DHCR7: variants seen among roughly 807,000 people sequenced by gnomAD.
DHCR7 encodes the protein 7-DHC reductase.
In DHCR7, 40 loss-of-function variants were observed where a neutral mutation model predicts 43.3. The ratio of observed to expected loss-of-function variants is 0.92; its 90% confidence interval spans 0.72 to 1.20. DHCR7 has a LOEUF of 1.20. Ranked by LOEUF, DHCR7 falls within the 50% of genes most tolerant of loss-of-function variation. DHCR7 has a pLI of 0.00. For missense variants in DHCR7, 608 were observed against 644.6 expected (o/e 0.94, Z 0.62); for synonymous variants, 298 against 271.4 (o/e 1.10, Z -0.96).
At chr11:71,430,025 T>C (rs1949220699), downstream of DHCR7, among the ~76,000 whole-genome samples, 1 of 152,184 alleles carries the variant, frequency 6.6e-6, no homozygotes, top group East Asian at 1.9e-4. Context: ...CCAGATTTCC[T>C]AACAGATTTG....
intron 8 of DHCR7, among the ~76,000 whole-genome samples, chr11:71,436,372 AG>A (rs1949280574): frequency 6.6e-6 from 1 of 152,224 alleles, no homozygotes; most frequent in African/African-American, 2.4e-5. Context: ...TCTGCTAAAA[AG>A]TGGCCTTCTG....
rs80338860 is a variant in DHCR7, at chr11:71,435,749, G to A, written c.1054C>T (p.Arg352Trp). 29 of 1,611,952 alleles carry A rather than the reference G, an allele frequency of 1.8e-5. No homozygotes were observed. The highest frequency in any genetic ancestry group is 3.3e-5 in the South Asian group (3 of 91,080). ...AGGTCCTTCTGGTGGTTGGCCACCCGGAAGATGTAGTAGCCCACCAGGCCC... is the reference window on the plus strand; with the variant it reads ...AGGTCCTTCTGGTGGTTGGCCACCCAGAAGATGTAGTAGCCCACCAGGCCC... The part of the protein sequence containing the change: ...LLGLVGYYIF[R>W]VANHQKDLFR... The change falls in exon 9 of 9, where the codon CGG becomes TGG. Residue 352 changes from arginine to tryptophan, a missense_variant. By Grantham distance (101) the Arg-to-Trp change is moderately radical. Transcript: ENST00000355527.
chr11:71,433,895 C>A (rs1949243705), downstream of DHCR7, among the ~76,000 whole-genome samples: 1 of 152,222 alleles, frequency 6.6e-6, no homozygotes, highest in South Asian at 2.1e-4. Flanking sequence ...TGGTGGGGCA[C>A]CAGTGCACGA....
At chr11:71,444,300 C>T in intron 3 of DHCR7, 85 bp from the exon 4 acceptor site, 1 of 1,193,532 alleles carries the variant, frequency 8.4e-7, no homozygotes, top group South Asian at 1.3e-5. Context: ...TGTGGGAGAA[C>T]TGTTGCTCAA....
intron 6 of DHCR7, among the ~76,000 whole-genome samples, chr11:71,440,256 G>T (rs1203667951): frequency 6.6e-6 from 1 of 152,188 alleles, no homozygotes; most frequent in Non-Finnish European, 1.5e-5. Flanking sequence ...AGGTTGACCT[G>T]GATGAGATGA....
chr11:71,447,765 C>T (rs542700624), intron 1 of DHCR7, 31 bp from the exon 2 acceptor site: 1 of 152,482 alleles, frequency 6.6e-6, no homozygotes, highest in South Asian at 2.1e-4. Flanking sequence ...AATAAGACCG[C>T]AGGCAGCTGA....
At chr11:71,434,166 G>T (rs541151845), downstream of DHCR7, among the ~76,000 whole-genome samples, 4 of 152,200 alleles carry the variant, frequency 2.6e-5, no homozygotes, top group African/African-American at 7.2e-5. Flanking sequence ...ATCTCCTTGG[G>T]GGGGAATGGA....
chr11:71,445,442 C>G (rs1346417376), intron 2 of DHCR7, among the ~76,000 whole-genome samples: 1 of 152,226 alleles, frequency 6.6e-6, no homozygotes, highest in Non-Finnish European at 1.5e-5. Flanking sequence ...CCCTCTCAGC[C>G]AATCTGAAGC....
At position 71,435,311 on chromosome 11, in the gene DHCR7, C is replaced by A; in HGVS notation, c.*64G>T. ...CCTCGAGTTGGAGCTGGGATGCCAG[C>A]CCCCATGGACCTGGCAGAACACGCT... is the stretch of plus-strand genomic sequence containing the variant. On this transcript the variant is annotated 3_prime_UTR_variant, in exon 9 of 9. Coordinates refer to ENST00000355527, the MANE Select transcript of DHCR7 (RefSeq NM_001360.3). The A allele has an allele frequency of 2.0e-6, 3 of 1,528,252 alleles. No individual in the cohort carries two copies. Among genetic ancestry groups the A allele is most frequent in the Middle Eastern group, 1.7e-4 (1 of 5,922 alleles). 94.7% of individuals were successfully genotyped at this position (1,528,252 alleles called of 1,614,324 possible).
chr11:71,445,372 C>T (rs921694242), intron 2 of DHCR7, among the ~76,000 whole-genome samples: 3 of 152,224 alleles, frequency 2.0e-5, no homozygotes, highest in Non-Finnish European at 4.4e-5. Flanking sequence ...CTGCTTAGAG[C>T]ACGTTTGCAG....
At chr11:71,439,750 A>G (rs999741427) in intron 6 of DHCR7, among the ~76,000 whole-genome samples, 1 of 152,204 alleles carries the variant, frequency 6.6e-6, no homozygotes, top group East Asian at 1.9e-4. Context: ...TCCTATTTTC[A>G]TGTCCAGTTC....
Position 71,434,901 on chromosome 11 carries a change from A to G in DHCR7, c.*474T>C. ...GCGCACGGGCCCCACCCACGACTGC[A>G]GAGCAGGCAGGGGAGGGGGATCTAG... On this transcript the variant is annotated 3_prime_UTR_variant, in exon 9 of 9. Coordinates refer to ENST00000355527, the MANE Select transcript of DHCR7 (RefSeq NM_001360.3). 1 of 358,332 alleles carries G rather than the reference A, an allele frequency of 2.8e-6. No homozygotes were observed. The highest frequency in any genetic ancestry group is 2.1e-5 in the South Asian group (1 of 48,256). 22.2% of individuals were successfully genotyped at this position (358,332 alleles called of 1,614,324 possible).
At chr11:71,428,648 T>C (rs940201577) in exon 3 of DHCR7, 1 of 341,942 alleles carries the variant, frequency 2.9e-6, no homozygotes, top group African/African-American at 2.2e-5. Flanking sequence ...CACCACACCC[T>C]GGAGATCTTA....
chr11:71,429,705 G>A (rs916360396), downstream of DHCR7, among the ~76,000 whole-genome samples: 6 of 152,014 alleles, frequency 3.9e-5, no homozygotes, highest in East Asian at 1.9e-4. Flanking sequence ...CATGAGCGGC[G>A]TTCAGGACAA....
intron 8 of DHCR7, 101 bp downstream of exon 8, chr11:71,437,711 G>A (rs866363497): frequency 1.3e-6 from 2 of 1,535,316 alleles, no homozygotes; most frequent in Non-Finnish European, 1.8e-6. Context: ...TAGAAACAGG[G>A]GGCAGCTTTG....
In DHCR7 at chr11:71,443,997, A is replaced by T. The variant is rs1001099838; in HGVS notation, c.317T>A (p.Phe106Tyr). 5.0e-6 allele frequency: 8 copies of T among 1,610,852 alleles called. No homozygotes were observed. The highest frequency in any genetic ancestry group is 5.9e-6 in the Non-Finnish European group (7 of 1,178,294). The stretch of plus-strand genomic sequence containing the variant: ...CCCAGGGCAGGGGCTGCTGACCTGG[A>T]AGGTGACCCACAAGGTATAGAGCTG... Reference protein sequence around the residue: ...AAQLYTLWVTFQVLLYTSLPD... With the variant: ...AAQLYTLWVTYQVLLYTSLPD... The change falls in exon 4 of 9, where the codon TTC becomes TAC. Residue 106 changes from phenylalanine (F) to tyrosine (Y), a missense_variant. Transcript: ENST00000355527.
downstream of DHCR7, among the ~76,000 whole-genome samples, chr11:71,431,030 C>T (rs996593716): frequency 1.2e-4 from 19 of 152,228 alleles, no homozygotes; most frequent in African/African-American, 4.6e-4. Flanking sequence ...TGGTGCATGC[C>T]TGTAATCCCA....
chr11:71,446,820 C>A (rs147394240), intron 2 of DHCR7, among the ~76,000 whole-genome samples: 1 of 152,216 alleles, frequency 6.6e-6, no homozygotes, highest in African/African-American at 2.4e-5. Context: ...TGTCTCTCTC[C>A]GGCCCCAAAT....
At chr11:71,445,006 C>T (rs1949391710) in intron 2 of DHCR7, 48 bp from the exon 3 acceptor site, 4 of 1,528,286 alleles carry the variant, frequency 2.6e-6, no homozygotes, top group South Asian at 2.2e-5. Context: ...ATAACAGACA[C>T]CACCTTTCCC....
Sources: allele counts gnomAD v4.1 joint callset (sites outside exome capture counted in the v4.1 genomes callset), GRCh38; gene constraint gnomAD v4.1.1; transcripts MANE v1.5; gene names NCBI Gene and HGNC (gene_info 2026-07-23, HGNC 2026-07-21).